The following NELL1 variants were observed in gnomAD, a reference collection of about 807,000 sequenced individuals.
NELL1 encodes the protein neural EGFL like 1, also known as protein kinase C-binding protein NELL1.
A neutral mutation model predicts 107.4 loss-of-function variants in NELL1; 76 were observed. The ratio of observed to expected loss-of-function variants is 0.71; its 90% CI spans 0.59 to 0.86. The LOEUF (loss-of-function observed/expected upper bound fraction) is 0.86. Among genes scored for constraint, NELL1 ranks in the 40% least tolerant of loss-of-function variants. The pLI is 0.00. For synonymous variants in NELL1, 353 were observed against 341.2 expected, an observed-to-expected ratio of 1.03 and a Z score of -0.38; for missense variants, 1,024 against 1,005.5, an observed-to-expected ratio of 1.02 and a Z score of -0.25.
At chr11:21,060,387 T>C (rs1853710931) in intron 12 of NELL1, among the ~76,000 whole-genome samples, 1 of 152,182 alleles carries the variant, frequency 6.6e-6, no homozygotes, top group Non-Finnish European at 1.5e-5. Context: ...TTAGCTGTTG[T>C]TGTTAATTAA....
At chr11:21,411,859 T>C (rs1198504528) in intron 15 of NELL1, among the ~76,000 whole-genome samples, 2 of 152,060 alleles carry the variant, frequency 1.3e-5, no homozygotes, top group Non-Finnish European at 2.9e-5. Context: ...CAGTGCCTTG[T>C]TAGGACTTTA....
At chr11:20,797,439 G>A (rs111501804) in intron 3 of NELL1, among the ~76,000 whole-genome samples, 5 of 151,736 alleles carry the variant, frequency 3.3e-5, no homozygotes, top group Non-Finnish European at 5.9e-5. Flanking sequence ...GGTGGCGGGC[G>A]CCTGTAGTCC....
chr11:21,202,519 C>T (rs559853196), intron 13 of NELL1, among the ~76,000 whole-genome samples: 3 of 152,160 alleles, frequency 2.0e-5, no homozygotes, highest in South Asian at 2.1e-4. Flanking sequence ...TCTCTCATTT[C>T]TTCTTTATTA....
chr11:20,977,269 T>A (rs1851656534), intron 12 of NELL1, among the ~76,000 whole-genome samples: 1 of 150,304 alleles, frequency 6.7e-6, no homozygotes, highest in Admixed American at 6.6e-5. Flanking sequence ...AATCTATTTT[T>A]TTTTTTTTTT....
At chr11:21,550,944 T>C (rs192797873) in intron 16 of NELL1, among the ~76,000 whole-genome samples, 19,561 of 150,262 alleles carry the variant, frequency 0.13, 1,339 homozygotes, top group Middle Eastern at 0.19. Context: ...TATGGCCATT[T>C]TCACGATGTT....
chr11:21,321,414 C>T (rs927301974), intron 14 of NELL1, among the ~76,000 whole-genome samples: 7 of 151,804 alleles, frequency 4.6e-5, no homozygotes, highest in African/African-American at 9.7e-5. Context: ...GGGGGCTGCG[C>T]GGAGTGGTGG....
intron 3 of NELL1, among the ~76,000 whole-genome samples, chr11:20,814,603 T>C (rs547163784): frequency 6.6e-6 from 1 of 152,352 alleles, no homozygotes; most frequent in African/African-American, 2.4e-5. Flanking sequence ...TTCAGCTACG[T>C]CCATGTTGCT....
At chr11:21,050,477 G>A (rs1165729749) in intron 12 of NELL1, among the ~76,000 whole-genome samples, 1 of 151,884 alleles carries the variant, frequency 6.6e-6, no homozygotes, top group Non-Finnish European at 1.5e-5. Flanking sequence ...AGATAGCACA[G>A]GCTCTGAAAT....
At chr11:20,787,661 A>C (rs1856995247) in intron 3 of NELL1, among the ~76,000 whole-genome samples, 1 of 152,204 alleles carries the variant, frequency 6.6e-6, no homozygotes. Flanking sequence ...TTGTATTACT[A>C]GTGATGAAGA....
At chr11:20,834,642 G>C (rs969322659) in intron 3 of NELL1, among the ~76,000 whole-genome samples, 3 of 151,710 alleles carry the variant, frequency 2.0e-5, no homozygotes, top group Non-Finnish European at 4.4e-5. Flanking sequence ...GGCAGAGTTT[G>C]CAGTGAGCTG....
At chr11:20,986,304 G>T (rs542242978) in intron 12 of NELL1, among the ~76,000 whole-genome samples, 1 of 152,248 alleles carries the variant, frequency 6.6e-6, no homozygotes, top group South Asian at 2.1e-4. Context: ...TGTATTCCAG[G>T]TCCCGTTCTC....
intron 12 of NELL1, among the ~76,000 whole-genome samples, chr11:21,095,742 C>T (rs550169086): frequency 6.6e-6 from 1 of 152,220 alleles, no homozygotes; most frequent in Admixed American, 6.5e-5. Context: ...TCCCAAGTGG[C>T]TGGGATTACA....
chr11:20,814,136 C>T (rs1373465093), intron 3 of NELL1, among the ~76,000 whole-genome samples: 2 of 151,684 alleles, frequency 1.3e-5, no homozygotes, highest in African/African-American at 4.8e-5. Flanking sequence ...GTTGGGACTA[C>T]AGGCGCACAC....
intron 15 of NELL1, among the ~76,000 whole-genome samples, chr11:21,403,269 T>A (rs1852141940): frequency 6.6e-6 from 1 of 151,792 alleles, no homozygotes; most frequent in South Asian, 2.1e-4. Context: ...ACAAAGCAAT[T>A]AAGCATGTCA....
intron 14 of NELL1, among the ~76,000 whole-genome samples, chr11:21,279,398 A>G (rs1180622913): frequency 2.0e-5 from 3 of 152,234 alleles, no homozygotes; most frequent in African/African-American, 7.2e-5. Flanking sequence ...CGAAATATAC[A>G]AAGAACTCTT....
At chr11:21,086,095 A>G (rs1854385142) in intron 12 of NELL1, among the ~76,000 whole-genome samples, 1 of 152,142 alleles carries the variant, frequency 6.6e-6, no homozygotes, top group African/African-American at 2.4e-5. Context: ...GAACCAGGAA[A>G]CTCTGTAAAT....
intron 2 of NELL1, among the ~76,000 whole-genome samples, chr11:20,712,634 G>A (rs1052872466): frequency 6.6e-6 from 1 of 152,180 alleles, no homozygotes; most frequent in Non-Finnish European, 1.5e-5. Flanking sequence ...GCAACTAAAG[G>A]CCTGCTGTTC....
intron 12 of NELL1, among the ~76,000 whole-genome samples, chr11:20,972,353 T>C (rs2134231138): frequency 6.6e-6 from 1 of 152,176 alleles, no homozygotes; most frequent in African/African-American, 2.4e-5. Flanking sequence ...AGGGTGTGTG[T>C]CAATGAGTAG....
At chr11:20,849,884 CT>C (rs368359922) in intron 4 of NELL1, among the ~76,000 whole-genome samples, 124 of 152,308 alleles carry the variant, frequency 8.1e-4, no homozygotes, top group African/African-American at 2.7e-3. Flanking sequence ...GGCTTTGCCT[CT>C]GACCTACTGG....
Sources: allele counts gnomAD v4.1 joint callset (sites outside exome capture counted in the v4.1 genomes callset), GRCh38; gene constraint gnomAD v4.1.1; transcripts MANE v1.5; gene names NCBI Gene and HGNC (gene_info 2026-07-23, HGNC 2026-07-21).